The following TBC1D19 variants were observed in gnomAD, a reference collection of about 807,000 sequenced individuals.
TBC1D19 encodes the protein TBC1 domain family, member 19.
Under a neutral mutation model 89.0 loss-of-function variants are expected in TBC1D19, and 60 were observed. That is an observed-to-expected ratio of 0.67 (90% CI 0.55 to 0.84). The LOEUF (loss-of-function observed/expected upper bound fraction) is 0.84. Among genes scored for constraint, TBC1D19 ranks in the 40% least tolerant of loss-of-function variants. TBC1D19 has a pLI of 0.00. For missense variants in TBC1D19, 500 were observed against 610.8 expected, an observed-to-expected ratio of 0.82 and a Z score of 1.91; for synonymous variants, 189 against 199.7, an observed-to-expected ratio of 0.95 and a Z score of 0.45.
intron 1 of TBC1D19, among the ~76,000 whole-genome samples, chr4:26,590,168 T>G (rs750574306): frequency 1.2e-4 from 18 of 152,230 alleles, no homozygotes; most frequent in Non-Finnish European, 2.5e-4. Flanking sequence ...GTTTAGAATC[T>G]CATTTGTCCT....
At chr4:26,665,069 G>A (rs1254673309) in intron 8 of TBC1D19, among the ~76,000 whole-genome samples, 3 of 152,082 alleles carry the variant, frequency 2.0e-5, no homozygotes, top group Admixed American at 6.6e-5. Flanking sequence ...AGTAGGGGAC[G>A]TGCAGTTGAG....
intron 18 of TBC1D19, among the ~76,000 whole-genome samples, chr4:26,745,510 T>C (rs1439712053): frequency 5.8e-5 from 7 of 121,384 alleles, no homozygotes; most frequent in Non-Finnish European, 8.7e-5. Context: ...TTTTTTTTTT[T>C]TTTTTTTTTT....
intron 4 of TBC1D19, among the ~76,000 whole-genome samples, chr4:26,633,282 G>T (rs1467199113): frequency 6.6e-6 from 1 of 152,084 alleles, no homozygotes; most frequent in East Asian, 1.9e-4. Flanking sequence ...GAGCCTTAAA[G>T]GTCCCTATGA....
At chr4:26,791,690 A>C in the TBC1D19 span, among the ~76,000 whole-genome samples, 1 of 152,000 alleles carries the variant, frequency 6.6e-6, no homozygotes, top group East Asian at 1.9e-4. Flanking sequence ...GTAGGGTATA[A>C]GAGCAAAAGA....
At chr4:26,634,991 G>A (rs746253558) in intron 4 of TBC1D19, among the ~76,000 whole-genome samples, 1 of 152,076 alleles carries the variant, frequency 6.6e-6, no homozygotes, top group Non-Finnish European at 1.5e-5. Context: ...TTGTTTTTAT[G>A]TCTGAGAGTT....
At chr4:26,612,790 G>T (rs866623542) in intron 1 of TBC1D19, among the ~76,000 whole-genome samples, 1 of 152,016 alleles carries the variant, frequency 6.6e-6, no homozygotes, top group Middle Eastern at 3.4e-3. Context: ...GGATGCAACT[G>T]GTTTTTTAGT....
At chr4:26,799,304 T>C in the TBC1D19 span, among the ~76,000 whole-genome samples, 1 of 151,968 alleles carries the variant, frequency 6.6e-6, no homozygotes, top group Non-Finnish European at 1.5e-5. Flanking sequence ...GCCACTGTAC[T>C]CCAGCCTGGG....
At chr4:26,787,043 A>G in the TBC1D19 span, among the ~76,000 whole-genome samples, 1,289 of 152,208 alleles carry the variant, frequency 8.5e-3, 18 homozygotes, top group African/African-American at 0.03. Flanking sequence ...AGAAAATTGA[A>G]TGTGACAAGG....
chr4:26,635,996 T>C (rs925997637), intron 4 of TBC1D19, among the ~76,000 whole-genome samples: 4 of 152,168 alleles, frequency 2.6e-5, no homozygotes, highest in African/African-American at 4.8e-5. Context: ...CCATCACTTA[T>C]TGAATGATAA....
At chr4:26,857,062 A>C in the TBC1D19 span, among the ~76,000 whole-genome samples, 1 of 152,160 alleles carries the variant, frequency 6.6e-6, no homozygotes, top group Non-Finnish European at 1.5e-5. Flanking sequence ...CTTGAGGACT[A>C]TCTCATGTTT....
intron 5 of TBC1D19, 28 bp downstream of exon 5, chr4:26,637,313 T>A: frequency 6.6e-7 from 1 of 1,520,866 alleles, no homozygotes; most frequent in Non-Finnish European, 9.1e-7. Flanking sequence ...TCTGTTTAAG[T>A]ATTTCATTGT....
the TBC1D19 span, among the ~76,000 whole-genome samples, chr4:26,827,124 T>C: frequency 6.6e-6 from 1 of 152,238 alleles, no homozygotes; most frequent in Non-Finnish European, 1.5e-5. Context: ...GGTGAACTGA[T>C]GGAGACTGCT....
intron 15 of TBC1D19, among the ~76,000 whole-genome samples, chr4:26,722,833 T>A (rs1393245474): frequency 6.6e-6 from 1 of 152,196 alleles, no homozygotes; most frequent in Non-Finnish European, 1.5e-5. Context: ...AAGGTACTAA[T>A]ATTATCCCTA....
At chr4:26,789,825 G>A in the TBC1D19 span, among the ~76,000 whole-genome samples, 1 of 152,158 alleles carries the variant, frequency 6.6e-6, no homozygotes, top group Non-Finnish European at 1.5e-5. Context: ...AGAAAATGTG[G>A]AGTATACATA....
rs1577742159 is a variant in TBC1D19 at position 26,584,099 on chromosome 4, C to T, written c.-95C>T. 1.6e-6 allele frequency: 2 copies of T among 1,255,750 alleles called. No homozygotes were observed. The highest frequency in any genetic ancestry group is 2.5e-5 in the East Asian group (1 of 40,178). 77.8% of individuals were successfully genotyped at this position (1,255,750 alleles called of 1,614,324 possible). A position where few individuals can be genotyped will look rare whatever the true frequency, so the allele number is the denominator to read the frequency against. On this transcript the variant is annotated 5_prime_UTR_variant, in exon 1 of 21. Transcript: ENST00000264866. ...GAGGAGTCCCAGTGTAATAAGGTCC[C>T]GGAGAAGTGTCACTGGCCCTGAGTG...
chr4:26,646,088 A>C (rs1230429449), intron 7 of TBC1D19, among the ~76,000 whole-genome samples: 1 of 142,448 alleles, frequency 7.0e-6, no homozygotes, highest in Non-Finnish European at 1.5e-5. Context: ...CCGCCACTGC[A>C]CTCCAGCCTG....
At chr4:26,809,104 C>A in the TBC1D19 span, among the ~76,000 whole-genome samples, 1 of 152,132 alleles carries the variant, frequency 6.6e-6, no homozygotes, top group Non-Finnish European at 1.5e-5. Flanking sequence ...TAAAGTTGTG[C>A]TTTGCCATGA....
intron 19 of TBC1D19, among the ~76,000 whole-genome samples, chr4:26,752,243 CTTTTTTT>C (rs758735137): frequency 1.2e-4 from 15 of 128,920 alleles, no homozygotes; most frequent in Non-Finnish European, 1.5e-4. Flanking sequence ...ATATTTCTTT[CTTTTTTT>C]TTTTTTTTTT....
intron 7 of TBC1D19, among the ~76,000 whole-genome samples, chr4:26,651,866 T>C (rs896054408): frequency 6.6e-6 from 1 of 152,176 alleles, no homozygotes; most frequent in Non-Finnish European, 1.5e-5. Flanking sequence ...AGATAGCTCT[T>C]ATTATTTTGA....
Sources: gnomAD v4.1 joint callset for allele counts (sites outside exome capture counted in the v4.1 genomes callset) on GRCh38, gnomAD v4.1.1 for gene constraint, MANE v1.5 for transcripts, NCBI Gene and HGNC (gene_info 2026-07-23, HGNC 2026-07-21) for gene names.